TUBB6: variants seen among roughly 807,000 people sequenced by gnomAD.
TUBB6 encodes the protein tubulin beta 6 class V.
Under a neutral mutation model 32.3 loss-of-function variants are expected in TUBB6, and 18 were observed. That is an observed-to-expected ratio of 0.56 (90% CI 0.39 to 0.83). TUBB6 has a LOEUF of 0.83. Ranked by LOEUF, TUBB6 falls within the 40% of genes least tolerant of loss-of-function variation. TUBB6 has a pLI of 0.00. For synonymous variants in TUBB6, 280 were observed against 265.8 expected, an observed-to-expected ratio of 1.05 and a Z score of -0.52; for missense variants, 480 against 632.0, an observed-to-expected ratio of 0.76 and a Z score of 2.58.
At chr18:12,324,335 A>G (rs1244365666) in intron 3 of TUBB6, among the ~76,000 whole-genome samples, 1 of 151,980 alleles carries the variant, frequency 6.6e-6, no homozygotes, top group Non-Finnish European at 1.5e-5. Flanking sequence ...GCGCCACTGC[A>G]CTCCAGCCTG....
At position 12,314,963 on chromosome 18, in the gene TUBB6, CT is replaced by C. The variant is rs5823207; in HGVS notation, c.277+3921del. ...ACTTTGCTTTGCTTTTTAAACTTTG[CT>C]TTTTTTTTTTAGCAAAAACTAATAT... is the stretch of plus-strand genomic sequence containing the variant. On this transcript the variant is annotated intron_variant, in intron 3 of 3. Coordinates refer to ENST00000317702, the MANE Select transcript of TUBB6 (RefSeq NM_032525.3). Among the ~76,000 whole-genome samples, 535 of 150,940 alleles carry C rather than the reference CT, an allele frequency of 3.5e-3. 3 individuals carry two copies. Among genetic ancestry groups the C allele is most frequent in the South Asian group, 0.025 (121 of 4,788 alleles).
intron 3 of TUBB6, 60 bp downstream of exon 3, chr18:12,311,113 A>G: frequency 7.3e-7 from 1 of 1,372,282 alleles, no homozygotes; most frequent in South Asian, 1.3e-5. Flanking sequence ...CAAATATTTT[A>G]TATGCCAGAT....
Position 12,325,917 on chromosome 18 carries a change from G to A in TUBB6, c.1128G>A (p.Glu376=). ...TCGGCAACAGCACGGCCATCCAGGA[G>A]CTGTTCAAGCGCATCTCCGAGCAGT... is the stretch of plus-strand genomic sequence containing the variant. ...TFIGNSTAIQ[E]LFKRISEQFS... The change falls in exon 4 of 4, where the codon GAG becomes GAA. Residue 376 remains glutamate, a synonymous_variant. Coordinates refer to ENST00000317702, the MANE Select transcript of TUBB6 (RefSeq NM_032525.3). 6.2e-7 allele frequency: 1 copy of A among 1,614,090 alleles called. No homozygotes were observed. Among genetic ancestry groups the A allele is most frequent in the Non-Finnish European group, 8.5e-7 (1 of 1,180,046 alleles).
chr18:12,327,494 G>A (rs891446177), downstream of TUBB6, among the ~76,000 whole-genome samples: 7 of 152,260 alleles, frequency 4.6e-5, no homozygotes, highest in African/African-American at 1.7e-4. Flanking sequence ...ACTAAACACA[G>A]CAGCATGGCT....
chr18:12,329,402 C>G, downstream of TUBB6: 1 of 778,792 alleles, frequency 1.3e-6, no homozygotes, highest in Non-Finnish European at 2.2e-6. Context: ...CCACTGTGAC[C>G]TCTGAGGCTG....
At chr18:12,329,386 T>A, downstream of TUBB6, 1 of 713,218 alleles carries the variant, frequency 1.4e-6, no homozygotes, top group Non-Finnish European at 2.5e-6. Context: ...GAAAGTCACC[T>A]GCCACCCACT....
At chr18:12,317,066 G>C (rs1906711791) in intron 3 of TUBB6, among the ~76,000 whole-genome samples, 1 of 150,744 alleles carries the variant, frequency 6.6e-6, no homozygotes, top group Non-Finnish European at 1.5e-5. Context: ...TGAGGCAGGA[G>C]AATCACTGGA....
downstream of TUBB6, among the ~76,000 whole-genome samples, chr18:12,327,933 G>A (rs1275595595): frequency 6.6e-6 from 1 of 152,188 alleles, no homozygotes; most frequent in Non-Finnish European, 1.5e-5. Context: ...TCTCCTAATC[G>A]TCTACTGCCT....
At chr18:12,328,423 T>G (rs1030651587), downstream of TUBB6, among the ~76,000 whole-genome samples, 1 of 152,232 alleles carries the variant, frequency 6.6e-6, no homozygotes, top group Non-Finnish European at 1.5e-5. Flanking sequence ...TTAAGGAATT[T>G]TGATATAGGT....
downstream of TUBB6, chr18:12,329,270 T>C: frequency 1.4e-6 from 1 of 700,496 alleles, no homozygotes. Context: ...CCGACCCCAC[T>C]TGGTGCCACA....
chr18:12,319,780 C>G (rs1906882407), intron 3 of TUBB6, among the ~76,000 whole-genome samples: 1 of 151,848 alleles, frequency 6.6e-6, no homozygotes, highest in African/African-American at 2.4e-5. Flanking sequence ...ATAAGGGGAC[C>G]CTCTCTACAA....
intron 2 of TUBB6, among the ~76,000 whole-genome samples, chr18:12,309,422 A>C (rs1906234762): frequency 8.2e-6 from 1 of 122,258 alleles, no homozygotes; most frequent in Non-Finnish European, 1.6e-5. Flanking sequence ...CCCAGTTTAA[A>C]ACGTATCTCT....
downstream of TUBB6, chr18:12,329,449 G>T: frequency 9.2e-7 from 1 of 1,088,576 alleles, no homozygotes; most frequent in Non-Finnish European, 1.4e-6. Flanking sequence ...CATTTCAGCT[G>T]GGCCAGTGGC....
intron 3 of TUBB6, among the ~76,000 whole-genome samples, chr18:12,320,320 T>C (rs1906922125): frequency 6.6e-6 from 1 of 152,232 alleles, no homozygotes; most frequent in Non-Finnish European, 1.5e-5. Context: ...AAGCTAGAAA[T>C]GAACTCTCTT....
chr18:12,322,076 G>A (rs910806707), intron 3 of TUBB6, among the ~76,000 whole-genome samples: 12 of 151,960 alleles, frequency 7.9e-5, no homozygotes, highest in African/African-American at 2.9e-4. Flanking sequence ...CGAGGTGGGC[G>A]GATCACTTGA....
At chr18:12,308,826 G>A in intron 2 of TUBB6, 31 bp downstream of exon 2, 1 of 1,436,556 alleles carries the variant, frequency 7.0e-7, no homozygotes. Context: ...GCCCTGCCCG[G>A]CCGGGACCCG....
chr18:12,317,719 C>A (rs1200206038), intron 3 of TUBB6, among the ~76,000 whole-genome samples: 2 of 152,152 alleles, frequency 1.3e-5, no homozygotes, highest in Non-Finnish European at 2.9e-5. Context: ...TCAGAGAAAA[C>A]CCTGGGGACC....
At position 12,325,506 on chromosome 18, in the gene TUBB6, G is replaced by A. The variant is rs763720238; in HGVS notation, c.717G>A (p.Ser239=). 1.2e-6 allele frequency: 2 copies of A among 1,614,228 alleles called. No individual in the cohort carries two copies. The highest frequency in any genetic ancestry group is 1.1e-5 in the South Asian group (1 of 91,090). Residue 239 remains serine (S), a synonymous_variant, in exon 4 of 4, where the codon TCG becomes TCA. Coordinates refer to ENST00000317702, the MANE Select transcript of TUBB6 (RefSeq NM_032525.3). ...VSATMSGVTT[S]LRFPGQLNAD... is the part of the protein sequence containing the mutation. ...CCACCATGAGTGGGGTCACCACCTC[G>A]CTGCGCTTCCCGGGCCAGCTCAATG...
At chr18:12,311,220 T>C (rs1906364193) in intron 3 of TUBB6, 167 bp downstream of exon 3, 6 of 553,138 alleles carry the variant, frequency 1.1e-5, no homozygotes, top group Non-Finnish European at 3.1e-6. Context: ...CAAGGAACAG[T>C]TTTTTTTAAA....
Sources: allele counts gnomAD v4.1 joint callset (sites outside exome capture counted in the v4.1 genomes callset), GRCh38; gene constraint gnomAD v4.1.1; transcripts MANE v1.5; gene names NCBI Gene and HGNC (gene_info 2026-07-23, HGNC 2026-07-21).